Variants in RIMS2 observed in about 807,000 individuals in gnomAD.
RIMS2 encodes the protein regulating synaptic membrane exocytosis 2.
A neutral mutation model predicts 174.4 loss-of-function variants in RIMS2; 59 were observed. The observed-to-expected ratio is 0.34, with a 90% CI of 0.27 to 0.42. The LOEUF is 0.42. Ranked by LOEUF, RIMS2 falls within the 10% of genes least tolerant of loss-of-function variation. RIMS2 has a pLI of 1.00. For missense variants in RIMS2, 1,620 were observed against 1,666.3 expected (o/e 0.97, Z 0.48); for synonymous variants, 606 against 572.5 (o/e 1.06, Z -0.84).
At chr8:104,171,373 A>C (rs572577619) in intron 19 of RIMS2, among the ~76,000 whole-genome samples, 1 of 152,028 alleles carries the variant, frequency 6.6e-6, no homozygotes, top group South Asian at 2.1e-4. Context: ...GATTGGATTA[A>C]TTCAAAAGCC....
chr8:103,578,403 C>T (rs148259270), intron 1 of RIMS2, among the ~76,000 whole-genome samples: 1 of 152,160 alleles, frequency 6.6e-6, no homozygotes, highest in East Asian at 1.9e-4. Context: ...AAATGATGTG[C>T]ACCTGTAATC....
At chr8:104,035,793 T>C (rs1184856044) in intron 19 of RIMS2, among the ~76,000 whole-genome samples, 1 of 152,148 alleles carries the variant, frequency 6.6e-6, no homozygotes, top group Non-Finnish European at 1.5e-5. Context: ...GTTCTGTTCT[T>C]GGTCATTATC....
chr8:104,100,571 T>G (rs1274063925), intron 19 of RIMS2, among the ~76,000 whole-genome samples: 1 of 151,974 alleles, frequency 6.6e-6, no homozygotes, highest in East Asian at 1.9e-4. Context: ...TACTTTTACA[T>G]TAGCTATCCA....
intron 2 of RIMS2, among the ~76,000 whole-genome samples, chr8:103,765,137 C>CTGTGTAAGAG (rs1386299916): frequency 6.6e-6 from 1 of 152,078 alleles, no homozygotes; most frequent in Admixed American, 6.6e-5. Flanking sequence ...ACCTGGAGAG[C>CTGTGTAAGAG]TGTGTAAGAG....
intron 1 of RIMS2, among the ~76,000 whole-genome samples, chr8:103,611,029 A>T (rs760812471): frequency 3.9e-5 from 6 of 152,032 alleles, no homozygotes; most frequent in Non-Finnish European, 7.4e-5. Context: ...CAGGGATTCA[A>T]TTTCTTCCTG....
chr8:103,767,573 A>G (rs1379500279), intron 3 of RIMS2, among the ~76,000 whole-genome samples: 1 of 152,218 alleles, frequency 6.6e-6, no homozygotes, highest in Non-Finnish European at 1.5e-5. Flanking sequence ...TAGCAGATAC[A>G]TTTCTGTGTT....
At chr8:103,905,014 T>G (rs532076923) in intron 4 of RIMS2, among the ~76,000 whole-genome samples, 2 of 152,200 alleles carry the variant, frequency 1.3e-5, no homozygotes, top group East Asian at 3.9e-4. Context: ...GTAGAAACCT[T>G]AAGTCATTTA....
At chr8:104,127,243 G>A (rs7815109) in intron 19 of RIMS2, among the ~76,000 whole-genome samples, 20 of 151,980 alleles carry the variant, frequency 1.3e-4, no homozygotes, top group Middle Eastern at 3.4e-3. Context: ...AAAAGAAAAC[G>A]TTGGCCACTT....
intron 19 of RIMS2, among the ~76,000 whole-genome samples, chr8:104,066,182 G>A (rs2097102769): frequency 6.6e-6 from 1 of 152,078 alleles, no homozygotes; most frequent in South Asian, 2.1e-4. Flanking sequence ...GTTTCCATAT[G>A]GCTCACAAAG....
Position 104,248,910 on chromosome 8 carries a change from T to TCTCTCTCTCA in RIMS2, c.3589+99_3589+100insCTCTCTCACT. The TCTCTCTCTCA allele has an allele frequency of 4.7e-6, 3 of 636,974 alleles. No homozygotes were observed. In the South Asian group the frequency reaches 5.8e-5, roughly 12 times the overall value. 39.5% of individuals were successfully genotyped at this position (636,974 alleles called of 1,614,324 possible). A position where few individuals can be genotyped will look rare whatever the true frequency, so the allele number is the denominator to read the frequency against. On this transcript the variant is annotated intron_variant, in intron 21 of 23. Coordinates refer to ENST00000504942, the Ensembl canonical transcript of RIMS2. ...AGAATCTTCTCTCTCTCTCTCTCTC[T>TCTCTCTCTCA]CTTTCCCTCTCTCTCTCCCTCTATT...
chr8:103,757,962 T>A (rs2098048761), intron 2 of RIMS2, among the ~76,000 whole-genome samples: 1 of 152,170 alleles, frequency 6.6e-6, no homozygotes, highest in South Asian at 2.1e-4. Context: ...TTGATTTTGG[T>A]CAGGTGATAT....
intron 3 of RIMS2, among the ~76,000 whole-genome samples, chr8:103,883,584 T>C (rs2099181458): frequency 6.6e-6 from 1 of 151,888 alleles, no homozygotes; most frequent in Non-Finnish European, 1.5e-5. Flanking sequence ...CATATATAAA[T>C]GTAAATGCTA....
chr8:104,209,297 G>A lies in RIMS2; in HGVS notation c.3335-35619G>A, dbSNP rs558520829. 2.2e-4 allele frequency among the ~76,000 whole-genome samples: 34 copies of A among 152,314 alleles called. No individual in the cohort carries two copies. In the South Asian group the frequency reaches 7.0e-3, roughly 32 times the overall value. On this transcript the variant is annotated intron_variant, in intron 19 of 23. Coordinates refer to ENST00000504942, the Ensembl canonical transcript of RIMS2. ...ATGGTTCTGCCTTTACTAGCTGTGA[G>A]CTAATAATGGAAATAGACTCTCTCA...
At chr8:103,870,917 C>T (rs535811230) in intron 3 of RIMS2, among the ~76,000 whole-genome samples, 16 of 152,270 alleles carry the variant, frequency 1.1e-4, no homozygotes, top group East Asian at 3.9e-4. Context: ...CTTTTGTCTA[C>T]AGGATAAAAG....
intron 1 of RIMS2, among the ~76,000 whole-genome samples, chr8:103,590,122 G>A (rs1436812209): frequency 1.3e-5 from 2 of 151,324 alleles, no homozygotes; most frequent in African/African-American, 4.8e-5. Context: ...TGCTTGAGAT[G>A]GTGGATACCA....
At chr8:103,689,857 T>C (rs1464031010) in intron 1 of RIMS2, among the ~76,000 whole-genome samples, 1 of 152,198 alleles carries the variant, frequency 6.6e-6, no homozygotes, top group Admixed American at 6.5e-5. Flanking sequence ...AGTTTATGTT[T>C]ATCTTTATAG....
chr8:103,819,310 T>A, intron 3 of RIMS2: 1 of 1,404,404 alleles, frequency 7.1e-7, no homozygotes, highest in South Asian at 1.5e-5. Context: ...GGGTACTGAA[T>A]CTTCTACGAC....
At chr8:104,004,480 C>T (rs1379047809) in intron 17 of RIMS2, among the ~76,000 whole-genome samples, 4 of 151,514 alleles carry the variant, frequency 2.6e-5, no homozygotes, top group Non-Finnish European at 5.9e-5. Flanking sequence ...TCATGGATGA[C>T]TTTAGCTGGG....
intron 1 of RIMS2, among the ~76,000 whole-genome samples, chr8:103,553,827 C>T (rs929886192): frequency 2.7e-5 from 4 of 148,880 alleles, no homozygotes; most frequent in African/African-American, 9.8e-5. Context: ...GTAACTAAAA[C>T]AGCATGGTAC....
Sources: gnomAD v4.1 joint callset for allele counts (sites outside exome capture counted in the v4.1 genomes callset) on GRCh38, gnomAD v4.1.1 for gene constraint, MANE v1.5 for transcripts, NCBI Gene and HGNC (gene_info 2026-07-23, HGNC 2026-07-21) for gene names.